Variants in GPATCH8 observed in about 807,000 individuals in gnomAD.
The protein encoded by GPATCH8 is G-patch domain containing 8, also known as G patch domain-containing protein 8.
GPATCH8 carries 18 observed loss-of-function variants against 118.3 expected under a neutral mutation model. The ratio of observed to expected loss-of-function variants is 0.15; its 90% CI spans 0.11 to 0.23. The LOEUF is 0.23. Ranked by LOEUF, GPATCH8 falls within the 10% of genes least tolerant of loss-of-function variation. The pLI is 1.00. For missense variants in GPATCH8, 1,631 were observed against 1,873.8 expected, an observed-to-expected ratio of 0.87 and a Z score of 2.39; for synonymous variants, 659 against 684.7, an observed-to-expected ratio of 0.96 and a Z score of 0.59.
At chr17:44,490,554 C>T (rs537637240) in intron 1 of GPATCH8, among the ~76,000 whole-genome samples, 7 of 151,560 alleles carry the variant, frequency 4.6e-5, no homozygotes, top group Non-Finnish European at 1.0e-4. Flanking sequence ...CACTTCCTTT[C>T]TGAATACTAT....
chr17:44,459,085 T>TAA (rs1173470488), intron 3 of GPATCH8, among the ~76,000 whole-genome samples: 1 of 152,180 alleles, frequency 6.6e-6, no homozygotes, highest in Non-Finnish European at 1.5e-5. Flanking sequence ...TTCTAGATGT[T>TAA]AGATTTTTCA....
chr17:44,497,148 T>C (rs990299350), intron 1 of GPATCH8, among the ~76,000 whole-genome samples: 1 of 152,198 alleles, frequency 6.6e-6, no homozygotes, highest in African/African-American at 2.4e-5. Context: ...TTAATAGAAC[T>C]CACGAACTGG....
At chr17:44,482,080 C>T (rs1447259062) in intron 1 of GPATCH8, among the ~76,000 whole-genome samples, 1 of 151,992 alleles carries the variant, frequency 6.6e-6, no homozygotes, top group Non-Finnish European at 1.5e-5. Context: ...AAGGTGTCGC[C>T]ACTGCACTCC....
intron 6 of GPATCH8, among the ~76,000 whole-genome samples, chr17:44,420,991 A>G (rs2049878401): frequency 6.6e-6 from 1 of 151,800 alleles, no homozygotes; most frequent in African/African-American, 2.4e-5. Flanking sequence ...AGCTGGGACT[A>G]CTAGCCAGGC....
intron 1 of GPATCH8, among the ~76,000 whole-genome samples, chr17:44,480,666 G>A (rs908583823): frequency 1.3e-5 from 2 of 150,672 alleles, no homozygotes; most frequent in African/African-American, 4.9e-5. Flanking sequence ...GTTGCAGTGA[G>A]CTGAGATCGC....
intron 2 of GPATCH8, among the ~76,000 whole-genome samples, chr17:44,473,941 C>T (rs1441591447): frequency 6.6e-6 from 1 of 152,142 alleles, no homozygotes; most frequent in South Asian, 2.1e-4. Context: ...AAATTGCCTT[C>T]TTATTTTCCT....
At chr17:44,423,178 T>C (rs1598451399) in intron 6 of GPATCH8, among the ~76,000 whole-genome samples, 1 of 151,926 alleles carries the variant, frequency 6.6e-6, no homozygotes, top group Non-Finnish European at 1.5e-5. Flanking sequence ...AAGGTGGAGG[T>C]TGCAGTGAGC....
At position 44,397,202 on chromosome 17, in the gene GPATCH8, A is replaced by C; in HGVS notation, c.*366T>G. On this transcript the variant is annotated 3_prime_UTR_variant, in exon 8 of 8. Coordinates refer to ENST00000591680, the MANE Select transcript of GPATCH8 (RefSeq NM_001002909.4). ...ACAACCCACTGGCCAGAGGGGAGGAAAATGTTTTAAAATTTACAGAAGGGA... is the reference window on the plus strand; with the variant it reads ...ACAACCCACTGGCCAGAGGGGAGGACAATGTTTTAAAATTTACAGAAGGGA... The C allele has an allele frequency of 4.3e-6, 2 of 467,616 alleles. No homozygotes were observed. Among genetic ancestry groups the C allele is most frequent in the Non-Finnish European group, 4.2e-6 (1 of 236,132 alleles). 29.0% of individuals were successfully genotyped at this position (467,616 alleles called of 1,614,324 possible). A position where few individuals can be genotyped will look rare whatever the true frequency, so the allele number is the denominator to read the frequency against.
At chr17:44,439,184 G>T (rs1196838378) in intron 3 of GPATCH8, among the ~76,000 whole-genome samples, 1 of 152,144 alleles carries the variant, frequency 6.6e-6, no homozygotes, top group Non-Finnish European at 1.5e-5. Context: ...GACTTCTCTA[G>T]AAATATATAT....
chr17:44,492,535 A>G (rs2144480258), intron 1 of GPATCH8, among the ~76,000 whole-genome samples: 1 of 152,038 alleles, frequency 6.6e-6, no homozygotes, highest in African/African-American at 2.4e-5. Flanking sequence ...TGTAGTCACT[A>G]CAATCCAGCC....
intron 1 of GPATCH8, among the ~76,000 whole-genome samples, chr17:44,491,247 T>C (rs371909015): frequency 1.1e-4 from 17 of 152,034 alleles, no homozygotes; most frequent in East Asian, 9.6e-4. Flanking sequence ...TCCCAGCACT[T>C]TGGGAGGCCA....
At chr17:44,422,517 T>A (rs903588563) in intron 6 of GPATCH8, among the ~76,000 whole-genome samples, 2 of 149,642 alleles carry the variant, frequency 1.3e-5, no homozygotes, top group East Asian at 3.9e-4. Flanking sequence ...TGAGACGGAG[T>A]CTTGCTCTGT....
chr17:44,401,017 T>G lies in GPATCH8; in HGVS notation c.1060A>C (p.Asn354His). The change falls in exon 8 of 8, where the codon AAT (asparagine) becomes CAT (histidine). Residue 354 changes from asparagine to histidine, a missense_variant. Physicochemically the swap from Asn to His is moderately conservative, Grantham distance 68. Around this residue, in one of 8 missense-constraint regions of GPATCH8, gnomAD observed 405 missense variants for 462.7 expected, o/e 0.88. Transcript: ENST00000591680. ...TCATCCTCTTTTTTACCATCAAGATTACTGCTCCCATCAGAGTCTCCTACC... is the reference window on the plus strand; with the variant it reads ...TCATCCTCTTTTTTACCATCAAGATGACTGCTCCCATCAGAGTCTCCTACC... The part of the protein sequence containing the change: ...QKVGDSDGSS[N>H]LDGKKEDEDP... The G allele has an allele frequency of 6.2e-7, 1 of 1,613,974 alleles. No individual in the cohort carries two copies. Among genetic ancestry groups the G allele is most frequent in the Non-Finnish European group, 8.5e-7 (1 of 1,179,854 alleles).
At chr17:44,404,313 AT>A (rs879901425) in intron 7 of GPATCH8, among the ~76,000 whole-genome samples, 312 of 143,096 alleles carry the variant, frequency 2.2e-3, no homozygotes, top group African/African-American at 4.6e-3. Flanking sequence ...AATTTTTAAG[AT>A]TTTTTTTTTT....
intron 3 of GPATCH8, among the ~76,000 whole-genome samples, chr17:44,461,140 A>G (rs2051530869): frequency 1.3e-5 from 2 of 152,154 alleles, no homozygotes; most frequent in Non-Finnish European, 1.5e-5. Context: ...TTAAGATGCT[A>G]AATTTTATGT....
Position 44,398,933 on chromosome 17 carries a change from C to T in GPATCH8, c.3144G>A (p.Gly1048=), listed in dbSNP as rs776477205. The stretch of plus-strand genomic sequence containing the variant: ...CATCTCCTCTGCCATCATCTTTCTT[C>T]CCAGGACCTTCTCCCCGGCCTGATC... ...YFRSGRGEGP[G]KKDDGRGDDS... The change falls in exon 8 of 8, where the codon GGG becomes GGA. Residue 1048 remains glycine (G), a synonymous_variant. Transcript: ENST00000591680. The T allele has an allele frequency of 6.2e-7, 1 of 1,614,194 alleles. No individual in the cohort carries two copies. Among genetic ancestry groups the T allele is most frequent in the Non-Finnish European group, 8.5e-7 (1 of 1,180,032 alleles).
intron 1 of GPATCH8, among the ~76,000 whole-genome samples, chr17:44,497,993 A>T (rs2144501249): frequency 6.6e-6 from 1 of 152,316 alleles, no homozygotes; most frequent in Non-Finnish European, 1.5e-5. Context: ...AAAAATTTTT[A>T]TCATGTACCC....
rs2048865868 is a variant in GPATCH8, at chr17:44,398,472, A to G, written c.3605T>C (p.Leu1202Ser). Residue 1202 changes from leucine to serine, a missense_variant, in exon 8 of 8, where the codon TTA becomes TCA. By Grantham distance (145) the Leu-to-Ser change is moderately radical. Coordinates refer to ENST00000591680, the MANE Select transcript of GPATCH8 (RefSeq NM_001002909.4). ...TGACTCTTCTGGGGGTGGGTCTAAT[A>G]AGGGGCCAGTTGTTTCCTCTGAAGG... ...QFPSEETTGPLLDPPPEESKS... is the reference protein window; with the variant it reads ...QFPSEETTGPSLDPPPEESKS... The G allele has an allele frequency of 1.2e-6, 2 of 1,610,906 alleles. No individual in the cohort carries two copies. Among genetic ancestry groups the G allele is most frequent in the Non-Finnish European group, 1.7e-6 (2 of 1,178,270 alleles).
At chr17:44,414,079 A>ATATATATATGTG (rs908415895) in intron 6 of GPATCH8, among the ~76,000 whole-genome samples, 5 of 129,892 alleles carry the variant, frequency 3.8e-5, no homozygotes, top group African/African-American at 1.5e-4. Context: ...ATATATATAT[A>ATATATATATGTG]TGTGTGTGTA....
Sources: allele counts gnomAD v4.1 joint callset (sites outside exome capture counted in the v4.1 genomes callset), GRCh38; gene constraint gnomAD v4.1.1; regional missense constraint gnomAD v4.1.1; transcripts MANE v1.5; gene names NCBI Gene and HGNC (gene_info 2026-07-23, HGNC 2026-07-21).